L3MBTL1: variants seen among roughly 807,000 people sequenced by gnomAD.
L3MBTL1 encodes L3MBTL histone methyl-lysine binding protein 1, also known as lethal(3)malignant brain tumor-like protein 1.
L3MBTL1 carries 75 observed loss-of-function variants against 105.3 expected under a neutral mutation model. The observed-to-expected ratio is 0.71, with a 90% CI of 0.59 to 0.86. L3MBTL1 has a LOEUF of 0.86. L3MBTL1 is among the 40% of genes least tolerant of loss of function. L3MBTL1 has a pLI of 0.00. For missense variants in L3MBTL1, 1,069 were observed against 1,126.4 expected, an observed-to-expected ratio of 0.95 and a Z score of 0.73; for synonymous variants, 452 against 436.2, an observed-to-expected ratio of 1.04 and a Z score of -0.45.
At chr20:43,512,672 T>C (rs1251093782) in intron 1 of L3MBTL1, among the ~76,000 whole-genome samples, 1 of 152,248 alleles carries the variant, frequency 6.6e-6, no homozygotes, top group African/African-American at 2.4e-5. Flanking sequence ...AAAATTCTAC[T>C]GGACAGTGCT....
chr20:43,539,889 G>A (rs750734536), intron 19 of L3MBTL1: 3 of 563,496 alleles, frequency 5.3e-6, no homozygotes, highest in Non-Finnish European at 9.7e-6. Flanking sequence ...CCAGGGTGGT[G>A]CAGCCTCAGA....
At chr20:43,537,460 A>G (rs1371736826) in intron 19 of L3MBTL1, among the ~76,000 whole-genome samples, 2 of 151,460 alleles carry the variant, frequency 1.3e-5, no homozygotes, top group East Asian at 3.9e-4. Flanking sequence ...TACCAATTGA[A>G]TTGGATTAGG....
At chr20:43,522,456 AGTTTTTTTTTTTTTTTT>A (rs1262583997) in intron 7 of L3MBTL1, among the ~76,000 whole-genome samples, 9 of 89,874 alleles carry the variant, frequency 1.0e-4, no homozygotes, top group African/African-American at 1.8e-4. Context: ...TTCCCTGCTA[AGTTTTTTTTTTTTTTTT>A]TTTTTTTTTT....
chr20:43,533,918 G>A, intron 13 of L3MBTL1, 90 bp from the exon 14 acceptor site: 1 of 898,554 alleles, frequency 1.1e-6, no homozygotes, highest in Non-Finnish European at 1.9e-6. Context: ...AAGGGCTTCT[G>A]TCCCTTCCAT....
intron 7 of L3MBTL1, among the ~76,000 whole-genome samples, chr20:43,523,980 G>A (rs1422909787): frequency 2.1e-5 from 3 of 139,844 alleles, no homozygotes; most frequent in Non-Finnish European, 3.0e-5. Context: ...GGGTGACAGT[G>A]AGACTCCATC....
At chr20:43,516,735 T>C (rs1366311483) in intron 7 of L3MBTL1, among the ~76,000 whole-genome samples, 1 of 152,156 alleles carries the variant, frequency 6.6e-6, no homozygotes, top group African/African-American at 2.4e-5. Context: ...TCTTCTGCCC[T>C]CAAAACCATC....
Position 43,515,355 on chromosome 20 carries a change from G to A in L3MBTL1, c.717G>A (p.Lys239=). The A allele has an allele frequency of 1.3e-6, 2 of 1,572,218 alleles. No homozygotes were observed. The highest frequency in any genetic ancestry group is 1.7e-6 in the Non-Finnish European group (2 of 1,157,430). ...TSASELLKPM[K]KRKRREYQSP... The stretch of plus-strand genomic sequence containing the variant: ...CTTCTGAGCTCCTCAAACCCATGAA[G>A]AAGAGGAAGCGCAGGGAATACCAGA... The change falls in exon 6 of 22, where the codon AAG becomes AAA. Residue 239 remains lysine, a synonymous_variant. Transcript: ENST00000418998.
At chr20:43,525,556 C>CCATACA (rs71193698) in intron 7 of L3MBTL1, among the ~76,000 whole-genome samples, 44,830 of 151,648 alleles carry the variant, frequency 0.3, 8,135 homozygotes, top group Non-Finnish European at 0.41. Context: ...GATTATACAA[C>CCATACA]CATACACAGG....
Position 43,541,422 on chromosome 20 carries a change from A to C in L3MBTL1, c.*294A>C. On this transcript the variant is annotated 3_prime_UTR_variant, in exon 22 of 22. Coordinates refer to ENST00000418998, the MANE Select transcript of L3MBTL1 (RefSeq NM_001377303.1). The stretch of plus-strand genomic sequence containing the variant: ...TTGCAGAGCCATTGTGAGCATTGGA[A>C]ATGATGAATGAATCATACCAGAACG... 2.7e-6 allele frequency: 1 copy of C among 369,472 alleles called. No individual in the cohort carries two copies. Among genetic ancestry groups the C allele is most frequent in the South Asian group, 3.3e-5 (1 of 30,164 alleles). The allele number at this position is 369,472 out of a possible 1,614,324, so 22.9% of individuals were successfully genotyped here.
chr20:43,528,963 A>G, intron 8 of L3MBTL1: 1 of 605,398 alleles, frequency 1.7e-6, no homozygotes, highest in Non-Finnish European at 2.9e-6. Flanking sequence ...AGGCTCACTC[A>G]TCACTGGGCC....
intron 7 of L3MBTL1, among the ~76,000 whole-genome samples, chr20:43,523,941 G>T (rs1018306118): frequency 2.1e-4 from 31 of 149,296 alleles, no homozygotes; most frequent in African/African-American, 6.5e-4. Context: ...GTTGCAGTGA[G>T]CTGAGATCGT....
At chr20:43,521,699 C>T (rs979086263) in intron 7 of L3MBTL1, among the ~76,000 whole-genome samples, 1 of 152,072 alleles carries the variant, frequency 6.6e-6, no homozygotes, top group Non-Finnish European at 1.5e-5. Context: ...GTTCATAATA[C>T]CCCCTTTTAA....
intron 18 of L3MBTL1, among the ~76,000 whole-genome samples, chr20:43,547,102 CTTT>C (rs11478523): frequency 8.2e-6 from 1 of 122,640 alleles, no homozygotes; most frequent in African/African-American, 3.2e-5. Context: ...TTTTTAATGA[CTTT>C]TTTTTTTTTT....
Position 43,519,591 on chromosome 20 carries a change from G to A in L3MBTL1, c.862+3414G>A, listed in dbSNP as rs552506902. Among the ~76,000 whole-genome samples, 24 of 152,340 alleles carry A rather than the reference G, an allele frequency of 1.6e-4. No homozygotes were observed. The East Asian group carries it at 2.3e-3, about 15-fold the overall frequency. On this transcript the variant is annotated intron_variant, in intron 7 of 21. Transcript: ENST00000418998. ...GCGGAGGATGCAGTGAGTTGAGATC[G>A]TGCCATTGCACTCCAGCCTAGGCAA...
At chr20:43,508,175 A>T (rs941345430) in intron 1 of L3MBTL1, among the ~76,000 whole-genome samples, 3 of 150,980 alleles carry the variant, frequency 2.0e-5, no homozygotes, top group African/African-American at 4.9e-5. Flanking sequence ...GGAATATGGA[A>T]TTTTTTTTGT....
chr20:43,540,998 G>A lies in L3MBTL1; in HGVS notation c.2459G>A (p.Gly820Glu), dbSNP rs1438522597. 1.5e-5 allele frequency: 24 copies of A among 1,614,026 alleles called. No individual in the cohort carries two copies. The highest frequency in any genetic ancestry group is 1.9e-5 in the Non-Finnish European group (23 of 1,180,040). Residue 820 changes from glycine (G) to glutamate (E), a missense_variant, in exon 22 of 22, where the codon GGG becomes GAG. Coordinates refer to ENST00000418998, the MANE Select transcript of L3MBTL1 (RefSeq NM_001377303.1). The part of the protein sequence containing the change: ...KTLVWTVAQL[G>E]DLVCSDHLQE... ...CTAGTCTGGACTGTGGCCCAGCTTG[G>A]GGACCTTGTGTGCTCAGATCATCTT...
In L3MBTL1 at chr20:43,515,005, G is replaced by A. The variant is rs2018304850; in HGVS notation, c.503-4G>A. On this transcript the variant is annotated splice_region_variant and splice_polypyrimidine_tract_variant and intron_variant, in intron 4 of 21. Coordinates refer to ENST00000418998, the MANE Select transcript of L3MBTL1 (RefSeq NM_001377303.1). The stretch of plus-strand genomic sequence containing the variant: ...GAGGCCTGAGGCCCATTTGGCCCCC[G>A]CAGAGGACCACCCCCAGAATCCTCC... 1.9e-6 allele frequency: 3 copies of A among 1,613,196 alleles called. No individual in the cohort carries two copies. Among genetic ancestry groups the A allele is most frequent in the Non-Finnish European group, 2.5e-6 (3 of 1,179,420 alleles).
chr20:43,547,619 T>C (rs915218467), intron 18 of L3MBTL1, among the ~76,000 whole-genome samples: 2 of 152,174 alleles, frequency 1.3e-5, no homozygotes, highest in Non-Finnish European at 2.9e-5. Context: ...CCCTCTGCTT[T>C]TGGCAAGACT....
At chr20:43,509,519 G>A (rs1020506488) in intron 1 of L3MBTL1, among the ~76,000 whole-genome samples, 3 of 152,184 alleles carry the variant, frequency 2.0e-5, no homozygotes, top group African/African-American at 4.8e-5. Flanking sequence ...GAGCCACCAG[G>A]CCTCGCCCCA....
Sources: gnomAD v4.1 joint callset for allele counts (sites outside exome capture counted in the v4.1 genomes callset) on GRCh38, gnomAD v4.1.1 for gene constraint, MANE v1.5 for transcripts, NCBI Gene and HGNC (gene_info 2026-07-23, HGNC 2026-07-21) for gene names.